PRICKLE2: variants seen among roughly 807,000 people sequenced by gnomAD.
PRICKLE2 encodes the protein prickle-like protein 2.
In PRICKLE2, 21 loss-of-function variants were observed where a neutral mutation model predicts 81.4. The observed-to-expected ratio is 0.26, with a 90% CI of 0.18 to 0.37. PRICKLE2 has a LOEUF of 0.37. Among genes scored for constraint, PRICKLE2 ranks in the 10% least tolerant of loss-of-function variants. PRICKLE2 has a pLI of 1.00. For synonymous variants in PRICKLE2, 456 were observed against 421.5 expected (o/e 1.08, Z -1.00); for missense variants, 940 against 1,109.0 (o/e 0.85, Z 2.16).
chr3:64,191,369 C>T (rs76712134), intron 2 of PRICKLE2, among the ~76,000 whole-genome samples: 12 of 152,144 alleles, frequency 7.9e-5, no homozygotes, highest in African/African-American at 2.2e-4. Context: ...GCAACTTCTA[C>T]GTGCAGACAG....
intron 7 of PRICKLE2, among the ~76,000 whole-genome samples, chr3:64,142,901 G>T (rs2077385868): frequency 6.6e-6 from 1 of 152,162 alleles, no homozygotes; most frequent in Non-Finnish European, 1.5e-5. Flanking sequence ...AGGAAATTGA[G>T]TTTTGCAGAG....
At chr3:64,109,891 AAG>A (rs2076816297) in intron 7 of PRICKLE2, among the ~76,000 whole-genome samples, 1 of 152,236 alleles carries the variant, frequency 6.6e-6, no homozygotes, top group Non-Finnish European at 1.5e-5. Context: ...TTACAAGGAC[AAG>A]TCAGATAAAA....
At chr3:64,220,604 C>A (rs1034277430) in intron 1 of PRICKLE2, among the ~76,000 whole-genome samples, 4 of 152,162 alleles carry the variant, frequency 2.6e-5, no homozygotes, top group African/African-American at 4.8e-5. Flanking sequence ...AAGAAGGGAG[C>A]TATCAGAGAA....
intron 5 of PRICKLE2, among the ~76,000 whole-genome samples, chr3:64,156,629 G>C (rs1298764288): frequency 6.6e-6 from 1 of 152,038 alleles, no homozygotes; most frequent in Non-Finnish European, 1.5e-5. Flanking sequence ...TAGAGCATGG[G>C]GCAGAGACAT....
chr3:64,134,497 G>C (rs111509554), intron 7 of PRICKLE2, among the ~76,000 whole-genome samples: 23 of 152,308 alleles, frequency 1.5e-4, no homozygotes, highest in African/African-American at 5.3e-4. Flanking sequence ...TGTTGACTGG[G>C]TATAGGGGGA....
intron 6 of PRICKLE2, among the ~76,000 whole-genome samples, chr3:64,150,246 G>A (rs991723981): frequency 2.6e-5 from 4 of 151,952 alleles, no homozygotes; most frequent in Non-Finnish European, 4.4e-5. Flanking sequence ...AGATGCTGAC[G>A]GCCATCTGCT....
Position 64,098,895 on chromosome 3 carries a change from G to A in PRICKLE2, c.*156C>T, listed in dbSNP as rs540188899. On this transcript the variant is annotated 3_prime_UTR_variant, in exon 8 of 8. Coordinates refer to ENST00000638394, the MANE Select transcript of PRICKLE2 (RefSeq NM_198859.4). ...ATGCCAAGAACTGTGACTACCTATT[G>A]AGTCAACCTGTAACCTTGCCTCCAT... The A allele has an allele frequency of 7.8e-6, 6 of 770,822 alleles. No individual in the cohort carries two copies. The South Asian group carries it at 9.2e-5, about 12-fold the overall frequency. The allele number at this position is 770,822 out of a possible 1,614,324, so 47.7% of individuals were successfully genotyped here. A position where few individuals can be genotyped will look rare whatever the true frequency, so the allele number is the denominator to read the frequency against.
chr3:64,100,400 G>C (rs2076640184), intron 7 of PRICKLE2: 2 of 162,850 alleles, frequency 1.2e-5, no homozygotes, highest in African/African-American at 2.4e-5. Context: ...CACAATATTG[G>C]GCCAGTTCAC....
chr3:64,222,906 C>T (rs562719934), intron 1 of PRICKLE2, among the ~76,000 whole-genome samples: 1 of 152,178 alleles, frequency 6.6e-6, no homozygotes, highest in South Asian at 2.1e-4. Context: ...AAACAGGATG[C>T]CTTCTTTAAG....
chr3:64,258,845 A>AAGAAAGAAAGAAAGAAAG (rs2079569796), intron 2 of PRICKLE2, among the ~76,000 whole-genome samples: 8 of 33,998 alleles, frequency 2.4e-4, no homozygotes, highest in Middle Eastern at 0.021. Flanking sequence ...AAAAAAAAAA[A>AAGAAAGAAAGAAAGAAAG]AAAGAAAGAA....
intron 1 of PRICKLE2, among the ~76,000 whole-genome samples, chr3:64,210,529 C>T (rs80094406): frequency 2.6e-5 from 4 of 152,272 alleles, no homozygotes; most frequent in South Asian, 2.1e-4. Context: ...CCCTCCCTTC[C>T]GGCTGGGCTC....
At chr3:64,145,438 C>CTGG (rs2077433610) in intron 7 of PRICKLE2, 1 of 151,188 alleles carries the variant, frequency 6.6e-6, no homozygotes. Flanking sequence ...GTTGCCCAGG[C>CTGG]TGGTCTCCAA....
At chr3:64,190,380 C>T (rs943472177) in intron 2 of PRICKLE2, 2 of 137,420 alleles carry the variant, frequency 1.5e-5, no homozygotes, top group Non-Finnish European at 3.1e-5. Context: ...CAATCCTATT[C>T]TTAACATCAC....
chr3:64,154,083 A>G (rs11706882), intron 5 of PRICKLE2: 17,550 of 152,702 alleles, frequency 0.11, 1,236 homozygotes, highest in East Asian at 0.22. Flanking sequence ...ATGAATAGGT[A>G]TCCAGATTTA....
In PRICKLE2 at chr3:64,098,841, C is replaced by T. The variant is rs1311506095; in HGVS notation, c.*210G>A. The T allele has an allele frequency of 1.6e-6, 1 of 613,154 alleles. No individual in the cohort carries two copies. The highest frequency in any genetic ancestry group is 2.9e-6 in the Non-Finnish European group (1 of 345,296). 38.0% of individuals were successfully genotyped at this position (613,154 alleles called of 1,614,324 possible). ...GCCTCGATAGAGTCTACTGTGTTTC[C>T]AAAGTGAAATGTGCAAATAATATTC... On this transcript the variant is annotated 3_prime_UTR_variant, in exon 8 of 8. Transcript: ENST00000638394.
chr3:64,100,936 A>G (rs936207077), intron 7 of PRICKLE2: 1 of 152,192 alleles, frequency 6.6e-6, no homozygotes. Flanking sequence ...TTGGATTGCA[A>G]TGGCCCATTA....
intron 2 of PRICKLE2, among the ~76,000 whole-genome samples, chr3:64,185,613 G>A (rs2078214467): frequency 1.3e-5 from 2 of 152,080 alleles, no homozygotes; most frequent in Non-Finnish European, 2.9e-5. Context: ...TTTTCATTGT[G>A]CATGATTAAT....
chr3:64,143,385 G>T (rs1445714443), intron 7 of PRICKLE2, among the ~76,000 whole-genome samples: 5 of 152,096 alleles, frequency 3.3e-5, no homozygotes, highest in African/African-American at 1.2e-4. Flanking sequence ...TGAGGCAAAG[G>T]GGCATTAGTT....
At chr3:64,247,114 GC>G (rs2079369941) in intron 2 of PRICKLE2, among the ~76,000 whole-genome samples, 2 of 152,158 alleles carry the variant, frequency 1.3e-5, no homozygotes, top group South Asian at 4.1e-4. Flanking sequence ...GTAGCAACTG[GC>G]CGAGCTGCCC....
Sources: gnomAD v4.1 joint callset for allele counts (sites outside exome capture counted in the v4.1 genomes callset) on GRCh38, gnomAD v4.1.1 for gene constraint, MANE v1.5 for transcripts, NCBI Gene and HGNC (gene_info 2026-07-23, HGNC 2026-07-21) for gene names.